Variants in KCNJ5 observed in about 807,000 individuals in gnomAD.
KCNJ5 encodes G protein-activated inward rectifier potassium channel 4.
Under a neutral mutation model 20.2 loss-of-function variants are expected in KCNJ5, and 12 were observed. The observed-to-expected ratio is 0.59, with a 90% CI of 0.38 to 0.96. KCNJ5 has a LOEUF of 0.96. KCNJ5 is among the 40% of genes least tolerant of loss of function. The pLI is 0.00. For synonymous variants in KCNJ5, 210 were observed against 213.9 expected (o/e 0.98, Z 0.16); for missense variants, 449 against 557.6 (o/e 0.81, Z 1.96).
chr11:128,892,457 C>A (rs10893932), intron 1 of KCNJ5, among the ~76,000 whole-genome samples: 70,136 of 151,960 alleles, frequency 0.46, 16,673 homozygotes, highest in African/African-American at 0.55. Context: ...TCAGGTCCGG[C>A]CCCCAAAGTT....
intron 2 of KCNJ5, among the ~76,000 whole-genome samples, chr11:128,913,811 C>A (rs962752208): frequency 2.0e-5 from 3 of 152,232 alleles, no homozygotes; most frequent in Non-Finnish European, 4.4e-5. Context: ...TGGAGCTTCT[C>A]TCACCACTCT....
chr11:128,898,490 A>G (rs1228605776), intron 1 of KCNJ5, among the ~76,000 whole-genome samples: 1 of 152,264 alleles, frequency 6.6e-6, no homozygotes, highest in African/African-American at 2.4e-5. Context: ...TTAGCGCATG[A>G]GCAGTGCCCC....
In KCNJ5 at chr11:128,912,191, A is replaced by T; in HGVS notation, c.918A>T (p.Glu306Asp). The part of the protein sequence containing the change: ...QEEFEVVVIL[E>D]GMVEATGMTC... ...AGTTTGAAGTTGTGGTCATTCTAGA[A>T]GGGATGGTGGAAGCCACAGGTAAGG... The change falls in exon 2 of 3, where the codon GAA (glutamate) becomes GAT (aspartate). Residue 306 changes from glutamate to aspartate, a missense_variant. Coordinates refer to ENST00000529694, the MANE Select transcript of KCNJ5 (RefSeq NM_000890.5). The T allele has an allele frequency of 6.2e-7, 1 of 1,603,864 alleles. No individual in the cohort carries two copies. The highest frequency in any genetic ancestry group is 8.5e-7 in the Non-Finnish European group (1 of 1,179,922).
intron 2 of KCNJ5, among the ~76,000 whole-genome samples, chr11:128,914,726 TG>T (rs1203823846): frequency 1.3e-5 from 2 of 152,220 alleles, no homozygotes; most frequent in East Asian, 3.8e-4. Flanking sequence ...ACCTGACACC[TG>T]GGGAATCCTT....
chr11:128,899,131 G>A (rs1050555818), intron 1 of KCNJ5, among the ~76,000 whole-genome samples: 10 of 152,062 alleles, frequency 6.6e-5, no homozygotes, highest in African/African-American at 2.4e-4. Context: ...GTGAGTCAAG[G>A]GCCACTCAGC....
At chr11:128,894,494 G>C (rs754481071) in intron 1 of KCNJ5, among the ~76,000 whole-genome samples, 3 of 152,194 alleles carry the variant, frequency 2.0e-5, no homozygotes, top group Non-Finnish European at 4.4e-5. Context: ...GTGTTTCCAA[G>C]TGCGGATCTG....
intron 2 of KCNJ5, among the ~76,000 whole-genome samples, chr11:128,914,106 G>A (rs1029116898): frequency 6.6e-5 from 10 of 152,156 alleles, no homozygotes; most frequent in Non-Finnish European, 1.5e-4. Flanking sequence ...CCCCCACAGA[G>A]CTAGGGGCTT....
At chr11:128,908,187 G>T (rs545195111) in intron 1 of KCNJ5, among the ~76,000 whole-genome samples, 9 of 152,206 alleles carry the variant, frequency 5.9e-5, no homozygotes, top group Non-Finnish European at 1.3e-4. Context: ...TTAAAATGGG[G>T]TTAATGGGAT....
At chr11:128,903,323 A>T (rs80286035) in intron 1 of KCNJ5, 2 of 1,597,604 alleles carry the variant, frequency 1.3e-6, no homozygotes, top group Non-Finnish European at 1.7e-6. Flanking sequence ...AAGGATGTAG[A>T]GTGTGTCTGT....
At chr11:128,912,912 T>C (rs896989344) in intron 2 of KCNJ5, among the ~76,000 whole-genome samples, 2 of 152,138 alleles carry the variant, frequency 1.3e-5, no homozygotes, top group Non-Finnish European at 2.9e-5. Flanking sequence ...AGGATGGAAA[T>C]TGAGACCAGG....
At chr11:128,904,507 C>T (rs374916991) in intron 1 of KCNJ5, 6 of 1,549,586 alleles carry the variant, frequency 3.9e-6, no homozygotes, top group South Asian at 1.1e-5. Flanking sequence ...TGGCAGCGTG[C>T]GTCCAGGGCG....
At chr11:128,915,791 TTGGATGGA>T (rs199516705) in intron 2 of KCNJ5, among the ~76,000 whole-genome samples, 14,080 of 147,910 alleles carry the variant, frequency 0.095, 1,988 homozygotes, top group African/African-American at 0.32. Context: ...GTATGGATAA[TTGGATGGA>T]TGGATGGATG....
intron 1 of KCNJ5, among the ~76,000 whole-genome samples, chr11:128,895,099 G>A (rs558922851): frequency 6.6e-6 from 1 of 152,070 alleles, no homozygotes; most frequent in Non-Finnish European, 1.5e-5. Context: ...GGTGAGGGTG[G>A]GGGAGAAATG....
At chr11:128,898,922 C>A (rs1302844300) in intron 1 of KCNJ5, among the ~76,000 whole-genome samples, 1 of 152,196 alleles carries the variant, frequency 6.6e-6, no homozygotes, top group Non-Finnish European at 1.5e-5. Context: ...CCAGGTAATC[C>A]GCCTGCCTTG....
intron 1 of KCNJ5, among the ~76,000 whole-genome samples, chr11:128,893,697 T>A (rs1944128771): frequency 4.7e-5 from 2 of 42,724 alleles, no homozygotes; most frequent in African/African-American, 2.6e-4. Context: ...GAGCCAAGGG[T>A]GAGGGGGGGG....
chr11:128,894,909 T>C (rs1173389716), intron 1 of KCNJ5, among the ~76,000 whole-genome samples: 3 of 152,252 alleles, frequency 2.0e-5, no homozygotes, highest in Non-Finnish European at 4.4e-5. Context: ...AAAGCTTTAA[T>C]ATGTGACCCT....
Position 128,911,746 on chromosome 11 carries a change from C to G in KCNJ5, c.473C>G (p.Thr158Arg), listed in dbSNP as rs145901904. 1.2e-6 allele frequency: 2 copies of G among 1,614,180 alleles called. No homozygotes were observed. Among genetic ancestry groups the G allele is most frequent in the East Asian group, 2.2e-5 (1 of 44,884 alleles). ...ATTGGGTATGGCTTCCGAGTCATCA[C>G]AGAGAAGTGTCCAGAGGGGATTATA... ...TTIGYGFRVI[T>R]EKCPEGIILL... The change falls in exon 2 of 3, where the codon ACA becomes AGA. Residue 158 changes from threonine (T) to arginine (R), a missense_variant. By Grantham distance (71) the Thr-to-Arg change is moderately conservative (BLOSUM62 -1). This residue lies in a region of KCNJ5 where 203 missense variants were observed against 258.0 expected (regional missense o/e 0.79). Transcript: ENST00000529694. The surrounding 1 kb of genome is among the most constrained non-coding windows in gnomAD (Gnocchi z 6.3).
chr11:128,900,107 A>T (rs567349584), intron 1 of KCNJ5: 4 of 152,314 alleles, frequency 2.6e-5, no homozygotes, highest in African/African-American at 7.2e-5. Flanking sequence ...TCTGCCCTTT[A>T]AAAAATTGCT....
Position 128,891,425 on chromosome 11 carries a change from CACACACACACACACACAGAG to C in KCNJ5, c.-305_-286del, listed in dbSNP as rs1271832721. On this transcript the variant is annotated 5_prime_UTR_variant, in exon 1 of 3. Coordinates refer to ENST00000529694, the MANE Select transcript of KCNJ5 (RefSeq NM_000890.5). ...ACACACACACACACACACACACACACACACACACACACACACAGAGAGAGAGAGAGAGAGAGAGAGAGAGA... is the reference window on the plus strand; with the variant it reads ...ACACACACACACACACACACACACACAGAGAGAGAGAGAGAGAGAGAGAGA... The C allele has an allele frequency of 9.4e-6, 1 of 106,478 alleles. No homozygotes were observed. The highest frequency in any genetic ancestry group is 4.0e-5 in the African/African-American group (1 of 24,826). The allele number at this position is 106,478 out of a possible 1,614,324, so 6.6% of individuals were successfully genotyped here.
Sources: gnomAD v4.1 joint callset for allele counts (sites outside exome capture counted in the v4.1 genomes callset) on GRCh38, gnomAD v4.1.1 for gene constraint, gnomAD v4.1.1 regional missense constraint, Gnocchi (gnomAD v3.1) non-coding constraint, MANE v1.5 for transcripts, NCBI Gene and HGNC (gene_info 2026-07-23, HGNC 2026-07-21) for gene names.